PPM1L: variants seen among roughly 807,000 people sequenced by gnomAD.
The protein encoded by PPM1L is protein phosphatase, Mg2+/Mn2+ dependent 1L, also known as protein phosphatase 1L.
PPM1L carries 13 observed loss-of-function variants against 31.4 expected under a neutral mutation model. The observed-to-expected ratio is 0.41, with a 90% CI of 0.27 to 0.66. The LOEUF (loss-of-function observed/expected upper bound fraction) is 0.66. Among genes scored for constraint, PPM1L ranks in the 30% least tolerant of loss-of-function variants. The probability of loss-of-function intolerance (pLI) is 0.29; values close to 1 mark genes in which losing one functional copy is unlikely to be tolerated. For missense variants in PPM1L, 326 were observed against 453.7 expected (o/e 0.72, Z 2.56); for synonymous variants, 184 against 175.4 (o/e 1.05, Z -0.39).
In PPM1L at chr3:160,999,471, C is replaced by T. The variant is rs553838766; in HGVS notation, c.574+37561C>T. 2.6e-5 allele frequency among the ~76,000 whole-genome samples: 4 copies of T among 152,334 alleles called. No individual in the cohort carries two copies. The South Asian group carries it at 8.3e-4, about 32-fold the overall frequency. On this transcript the variant is annotated intron_variant, in intron 2 of 3. Coordinates refer to ENST00000498165, the MANE Select transcript of PPM1L (RefSeq NM_139245.4). Reference sequence around the variant, plus strand: ...GGCCGCCAGAGGGAAATAAGAATCTCTTACACCCCAGTTATTTCTTCTCAG... The same window carrying T: ...GGCCGCCAGAGGGAAATAAGAATCTTTTACACCCCAGTTATTTCTTCTCAG...
chr3:160,927,347 G>A (rs1714628603), intron 1 of PPM1L, among the ~76,000 whole-genome samples: 1 of 152,130 alleles, frequency 6.6e-6, no homozygotes, highest in Admixed American at 6.6e-5. Context: ...AATACATGCT[G>A]TGGATATTTT....
At chr3:160,970,493 A>T (rs2108115697) in intron 2 of PPM1L, among the ~76,000 whole-genome samples, 1 of 135,950 alleles carries the variant, frequency 7.4e-6, no homozygotes, top group East Asian at 2.1e-4. Flanking sequence ...TTTGTTGCCC[A>T]GGCTGGAGTG....
At chr3:160,825,541 G>A (rs1015436260) in intron 1 of PPM1L, among the ~76,000 whole-genome samples, 5 of 152,060 alleles carry the variant, frequency 3.3e-5, no homozygotes, top group African/African-American at 7.2e-5. Context: ...GTTACCTCCC[G>A]CATGTTAAAG....
intron 2 of PPM1L, among the ~76,000 whole-genome samples, chr3:160,997,231 TTAAA>T (rs1162168242): frequency 6.6e-5 from 10 of 152,106 alleles, no homozygotes; most frequent in Admixed American, 4.6e-4. Flanking sequence ...TTCCTAGTCA[TTAAA>T]TGAATGAGGA....
chr3:160,904,674 G>A (rs896296618), intron 1 of PPM1L, among the ~76,000 whole-genome samples: 1 of 151,398 alleles, frequency 6.6e-6, no homozygotes, highest in African/African-American at 2.4e-5. Flanking sequence ...CTTCTATCAT[G>A]TTCAATTGCA....
intron 1 of PPM1L, among the ~76,000 whole-genome samples, chr3:160,944,710 AAT>A (rs536695464): frequency 5.4e-5 from 7 of 129,220 alleles, no homozygotes; most frequent in South Asian, 2.2e-4. Context: ...TTTTATATAT[AAT>A]ATATATGTTA....
At position 161,071,389 on chromosome 3, in the gene PPM1L, GA is replaced by G. The variant is rs1576629165; in HGVS notation, c.*2237del. On this transcript the variant is annotated 3_prime_UTR_variant, in exon 4 of 4. Coordinates refer to ENST00000498165, the MANE Select transcript of PPM1L (RefSeq NM_139245.4). ...AAAGCAACAGTGTTTTGATAAAGAT[GA>G]AAAAGAAAAGCTACTAAATTAGTAA... The G allele has an allele frequency of 6.6e-6, 1 of 152,180 alleles. No individual in the cohort carries two copies. The highest frequency in any genetic ancestry group is 2.1e-4 in the South Asian group (1 of 4,830). 9.4% of individuals were successfully genotyped at this position (152,180 alleles called of 1,614,324 possible).
intron 1 of PPM1L, among the ~76,000 whole-genome samples, chr3:160,935,735 T>G (rs1287282716): frequency 1.3e-5 from 2 of 152,240 alleles, no homozygotes; most frequent in Non-Finnish European, 2.9e-5. Context: ...CGTTGATATT[T>G]AATTACTAGC....
intron 1 of PPM1L, among the ~76,000 whole-genome samples, chr3:160,956,521 A>C (rs781552920): frequency 6.6e-6 from 1 of 152,386 alleles, no homozygotes; most frequent in East Asian, 1.9e-4. Flanking sequence ...TGTACATTGC[A>C]CGTGATTCCT....
At chr3:161,001,906 A>T (rs1018543566) in intron 2 of PPM1L, among the ~76,000 whole-genome samples, 1 of 152,150 alleles carries the variant, frequency 6.6e-6, no homozygotes, top group Non-Finnish European at 1.5e-5. Context: ...TTACATATGT[A>T]TACATGTGAC....
At position 160,961,745 on chromosome 3, in the gene PPM1L, G is replaced by A. The variant is rs1214662234; in HGVS notation, c.409G>A (p.Glu137Lys). ...ACTGTTTTATCTGCAGACTGCAGCT[G>A]AATATGTAAAATCTCGACTCCCAGA... The part of the protein sequence containing the change: ...FDGHGGETAA[E>K]YVKSRLPEAL... Residue 137 changes from glutamate to lysine, a missense_variant, in exon 2 of 4, where the codon GAA becomes AAA. By Grantham distance (56) the Glu-to-Lys change is moderately conservative. Transcript: ENST00000498165. 1 of 1,580,496 alleles carries A rather than the reference G, an allele frequency of 6.3e-7. No homozygotes were observed. The highest frequency in any genetic ancestry group is 1.9e-5 in the Admixed American group (1 of 52,502).
intron 2 of PPM1L, among the ~76,000 whole-genome samples, chr3:161,013,135 T>G (rs1362019220): frequency 6.6e-6 from 1 of 152,238 alleles, no homozygotes; most frequent in Non-Finnish European, 1.5e-5. Context: ...ATTTTAGATC[T>G]TTCCTGCTTT....
intron 1 of PPM1L, among the ~76,000 whole-genome samples, chr3:160,819,169 A>G (rs185896976): frequency 9.3e-4 from 141 of 152,164 alleles, no homozygotes; most frequent in African/African-American, 3.3e-3. Context: ...ATCTAACTTC[A>G]GACAGGTCAC....
intron 1 of PPM1L, among the ~76,000 whole-genome samples, chr3:160,788,584 G>GC (rs1712005717): frequency 1.3e-5 from 2 of 151,822 alleles, no homozygotes; most frequent in Admixed American, 1.3e-4. Context: ...CAAATCTTAT[G>GC]CCATCACATT....
chr3:161,012,647 C>T (rs1251764934), intron 2 of PPM1L, among the ~76,000 whole-genome samples: 1 of 151,764 alleles, frequency 6.6e-6, no homozygotes, highest in African/African-American at 2.4e-5. Flanking sequence ...CCATCTGGTC[C>T]TGGACTCCTT....
intron 1 of PPM1L, among the ~76,000 whole-genome samples, chr3:160,892,299 G>C (rs1468475484): frequency 6.6e-6 from 1 of 152,072 alleles, no homozygotes; most frequent in Non-Finnish European, 1.5e-5. Context: ...GAGGGAGCAG[G>C]CACATCACAT....
intron 2 of PPM1L, among the ~76,000 whole-genome samples, chr3:160,996,688 G>A (rs1352199040): frequency 6.6e-6 from 1 of 152,098 alleles, no homozygotes; most frequent in Non-Finnish European, 1.5e-5. Context: ...TGGGTACAGT[G>A]TACACTGCTC....
chr3:160,852,991 C>T (rs1191293970), intron 1 of PPM1L, among the ~76,000 whole-genome samples: 1 of 152,084 alleles, frequency 6.6e-6, no homozygotes, highest in South Asian at 2.1e-4. Flanking sequence ...ATCAAGGTGT[C>T]GACAGGGTCC....
intron 2 of PPM1L, among the ~76,000 whole-genome samples, chr3:160,974,885 C>T (rs1347518980): frequency 6.7e-6 from 1 of 149,382 alleles, no homozygotes; most frequent in Non-Finnish European, 1.5e-5. Context: ...AATTAGATCC[C>T]ATTTGTCAAT....
Sources: allele counts gnomAD v4.1 joint callset (sites outside exome capture counted in the v4.1 genomes callset), GRCh38; gene constraint gnomAD v4.1.1; transcripts MANE v1.5; gene names NCBI Gene and HGNC (gene_info 2026-07-23, HGNC 2026-07-21).